CNTNAP5: variants seen among roughly 807,000 people sequenced by gnomAD.
The protein encoded by CNTNAP5 is contactin associated protein family member 5, also known as contactin-associated protein-like 5.
In CNTNAP5, 72 loss-of-function variants were observed where a neutral mutation model predicts 150.2. The observed-to-expected ratio is 0.48, with a 90% CI of 0.40 to 0.58. The LOEUF (loss-of-function observed/expected upper bound fraction) is 0.58. Ranked by LOEUF, CNTNAP5 falls within the 20% of genes least tolerant of loss-of-function variation. The pLI, the probability that CNTNAP5 is intolerant of heterozygous loss-of-function variation, is 0.00. For missense variants in CNTNAP5, 1,636 were observed against 1,626.2 expected, an observed-to-expected ratio of 1.01 and a Z score of -0.10; for synonymous variants, 672 against 619.8, an observed-to-expected ratio of 1.08 and a Z score of -1.25.
chr2:124,721,203 G>A (rs1344447991), intron 13 of CNTNAP5, among the ~76,000 whole-genome samples: 1 of 152,168 alleles, frequency 6.6e-6, no homozygotes, highest in Non-Finnish European at 1.5e-5. Flanking sequence ...ATGCGGCTGG[G>A]CACTGAGGCT....
chr2:124,792,443 A>G (rs1476587648), intron 18 of CNTNAP5, among the ~76,000 whole-genome samples: 1 of 152,170 alleles, frequency 6.6e-6, no homozygotes, highest in African/African-American at 2.4e-5. Flanking sequence ...ATTTCATTCT[A>G]TACATGAACA....
At chr2:124,034,627 G>A (rs996408885) in intron 1 of CNTNAP5, among the ~76,000 whole-genome samples, 2 of 152,196 alleles carry the variant, frequency 1.3e-5, no homozygotes, top group Non-Finnish European at 2.9e-5. Flanking sequence ...ATAAGAGTGG[G>A]GGAAACAAGC....
At chr2:124,707,855 T>G (rs1030472479) in intron 13 of CNTNAP5, among the ~76,000 whole-genome samples, 2 of 152,206 alleles carry the variant, frequency 1.3e-5, no homozygotes, top group Non-Finnish European at 2.9e-5. Flanking sequence ...CTGAATTACA[T>G]ACAATTATTA....
intron 13 of CNTNAP5, among the ~76,000 whole-genome samples, chr2:124,727,433 C>T (rs1489653405): frequency 6.6e-6 from 1 of 151,866 alleles, no homozygotes; most frequent in East Asian, 1.9e-4. Context: ...GCAATATTAA[C>T]TCATTGAATC....
At chr2:124,884,135 T>C (rs1288499623) in intron 21 of CNTNAP5, among the ~76,000 whole-genome samples, 2 of 152,118 alleles carry the variant, frequency 1.3e-5, no homozygotes, top group Non-Finnish European at 2.9e-5. Context: ...TATTTCTATG[T>C]ATATGTGTAT....
intron 7 of CNTNAP5, among the ~76,000 whole-genome samples, chr2:124,502,028 A>T (rs1032120620): frequency 6.6e-6 from 1 of 152,214 alleles, no homozygotes; most frequent in Non-Finnish European, 1.5e-5. Flanking sequence ...AGCTGGCCTA[A>T]GGTGAGCGAG....
At chr2:124,349,870 A>ATTTTT (rs1553460393) in intron 3 of CNTNAP5, among the ~76,000 whole-genome samples, 21 of 36,398 alleles carry the variant, frequency 5.8e-4, no homozygotes, top group East Asian at 9.3e-4. Context: ...ACTTCTGGCT[A>ATTTTT]TTTCTTTTTT....
chr2:124,656,851 A>G (rs1018850603), intron 13 of CNTNAP5, among the ~76,000 whole-genome samples: 3 of 152,220 alleles, frequency 2.0e-5, no homozygotes, highest in Admixed American at 2.0e-4. Context: ...ATGTTCTAAT[A>G]TTAAGATACG....
chr2:124,629,443 A>T (rs969408524), intron 12 of CNTNAP5, among the ~76,000 whole-genome samples: 1 of 152,188 alleles, frequency 6.6e-6, no homozygotes, highest in African/African-American at 2.4e-5. Context: ...AAATTGAACA[A>T]CCTGCTCCTG....
Position 124,242,095 on chromosome 2 carries a change from A to G in CNTNAP5, c.188-105A>G. The G allele has an allele frequency of 8.0e-6, 7 of 879,512 alleles. No homozygotes were observed. In the South Asian group the frequency reaches 1.2e-4, roughly 15 times the overall value. 54.5% of individuals were successfully genotyped at this position (879,512 alleles called of 1,614,324 possible). On this transcript the variant is annotated intron_variant, in intron 2 of 23. Transcript: ENST00000682447. ...AAGAGTAGGGCCCATTTGGGGGTAGAGTCATCTTAGTTGAACACTGTTTCA... is the reference window on the plus strand; with the variant it reads ...AAGAGTAGGGCCCATTTGGGGGTAGGGTCATCTTAGTTGAACACTGTTTCA...
At chr2:124,750,364 C>A (rs1214677856) in intron 14 of CNTNAP5, among the ~76,000 whole-genome samples, 2 of 152,208 alleles carry the variant, frequency 1.3e-5, no homozygotes, top group Non-Finnish European at 2.9e-5. Flanking sequence ...CAGAAAGTTT[C>A]TTCTGTCATT....
At chr2:124,834,206 A>G (rs1682777006) in intron 19 of CNTNAP5, among the ~76,000 whole-genome samples, 1 of 152,138 alleles carries the variant, frequency 6.6e-6, no homozygotes. Context: ...CTGCTCTTAA[A>G]TTTGTTTTCT....
intron 14 of CNTNAP5, among the ~76,000 whole-genome samples, chr2:124,754,653 C>A (rs1680799606): frequency 6.6e-6 from 1 of 152,062 alleles, no homozygotes; most frequent in Non-Finnish European, 1.5e-5. Flanking sequence ...ATACTGGCTT[C>A]CTTATGCTAA....
At chr2:124,480,108 G>A (rs1440688909) in intron 7 of CNTNAP5, among the ~76,000 whole-genome samples, 5 of 152,132 alleles carry the variant, frequency 3.3e-5, no homozygotes, top group African/African-American at 1.2e-4. Flanking sequence ...AAGTTGATTG[G>A]AGATAGCTCC....
chr2:124,754,986 C>G (rs988554994), intron 14 of CNTNAP5, among the ~76,000 whole-genome samples: 11 of 152,076 alleles, frequency 7.2e-5, no homozygotes, highest in African/African-American at 2.4e-4. Context: ...GTTGAAAATT[C>G]AAAACCAAAA....
At chr2:124,410,846 A>G (rs1691737628) in intron 3 of CNTNAP5, among the ~76,000 whole-genome samples, 1 of 150,660 alleles carries the variant, frequency 6.6e-6, no homozygotes, top group African/African-American at 2.4e-5. Flanking sequence ...AAACACATTC[A>G]AAAGCTAGCA....
intron 1 of CNTNAP5, among the ~76,000 whole-genome samples, chr2:124,081,168 G>T (rs767600004): frequency 7.4e-5 from 11 of 148,948 alleles, no homozygotes; most frequent in East Asian, 5.9e-4. Flanking sequence ...AGATGTACTG[G>T]TTTTTTTTTT....
At chr2:124,689,386 G>A (rs1479589476) in intron 13 of CNTNAP5, among the ~76,000 whole-genome samples, 1 of 152,138 alleles carries the variant, frequency 6.6e-6, no homozygotes, top group Non-Finnish European at 1.5e-5. Flanking sequence ...GAAGGTGAAT[G>A]GGAATTGACC....
chr2:124,242,194 T>C lies in CNTNAP5; in HGVS notation c.188-6T>C. ...CTCTCTCTCACTCTCTCTGATCCTG[T>C]TCCAGGAACTGGCGGTTGGTCCCCA... On this transcript the variant is annotated splice_polypyrimidine_tract_variant and splice_region_variant and intron_variant, in intron 2 of 23. Coordinates refer to ENST00000682447, the MANE Select transcript of CNTNAP5 (RefSeq NM_001367498.1). The C allele has an allele frequency of 6.3e-7, 1 of 1,578,236 alleles. No individual in the cohort carries two copies. Among genetic ancestry groups the C allele is most frequent in the Non-Finnish European group, 8.6e-7 (1 of 1,160,882 alleles).
Sources: gnomAD v4.1 joint callset for allele counts (sites outside exome capture counted in the v4.1 genomes callset) on GRCh38, gnomAD v4.1.1 for gene constraint, MANE v1.5 for transcripts, NCBI Gene and HGNC (gene_info 2026-07-23, HGNC 2026-07-21) for gene names.